HEXIM2: variants seen among roughly 807,000 people sequenced by gnomAD.
HEXIM2 encodes the protein protein HEXIM2.
For missense variants in HEXIM2, 413 were observed against 390.8 expected, an observed-to-expected ratio of 1.06 and a Z score of -0.48; for synonymous variants, 159 against 162.7, an observed-to-expected ratio of 0.98 and a Z score of 0.17.
Position 45,169,258 on chromosome 17 carries a change from C to G in HEXIM2, c.310C>G (p.Pro104Ala). Reference sequence around the variant, plus strand: ...ATCGAAGCGCAAAAGGCACTGGCGACCCTACCTGGAGCTGAGCTGGGCTGA... The same window carrying G: ...ATCGAAGCGCAAAAGGCACTGGCGAGCCTACCTGGAGCTGAGCTGGGCTGA... Reference protein sequence around the residue: ...RPSKRKRHWRPYLELSWAEKQ... With the variant: ...RPSKRKRHWRAYLELSWAEKQ... Residue 104 changes from proline (P) to alanine (A), a missense_variant, in exon 4 of 4, where the codon CCC becomes GCC. Pro to Ala is a conservative substitution (Grantham distance 27). Transcript: ENST00000589230. 1 of 1,613,812 alleles carries G rather than the reference C, an allele frequency of 6.2e-7. No homozygotes were observed. The highest frequency in any genetic ancestry group is 1.3e-5 in the African/African-American group (1 of 75,052).
chr17:45,161,920 T>G lies in HEXIM2; in HGVS notation c.-304T>G. 1 of 985,562 alleles carries G rather than the reference T, an allele frequency of 1.0e-6. No individual in the cohort carries two copies. The highest frequency in any genetic ancestry group is 1.2e-6 in the Non-Finnish European group (1 of 830,054). The allele number at this position is 985,562 out of a possible 1,614,324, so 61.1% of individuals were successfully genotyped here. The stretch of plus-strand genomic sequence containing the variant: ...GTGGCCTGAGCGGCTTGACCAGAGC[T>G]GCTGCAACTGCAGCAAGAGGTAGGG... On this transcript the variant is annotated 5_prime_UTR_variant, in exon 1 of 4. Transcript: ENST00000589230.
At chr17:45,166,403 CA>C (rs1400668268) in intron 3 of HEXIM2, among the ~76,000 whole-genome samples, 2 of 151,572 alleles carry the variant, frequency 1.3e-5, no homozygotes, top group Non-Finnish European at 2.9e-5. Context: ...CTAGGATTAC[CA>C]GCGTGAGCCA....
upstream of HEXIM2, chr17:45,161,456 C>G (rs1467762079): frequency 6.0e-6 from 1 of 167,602 alleles, no homozygotes; most frequent in Non-Finnish European, 1.3e-5. Context: ...ACGGGGTGCT[C>G]TCACTGCGCA....
In HEXIM2 at chr17:45,162,960, C is replaced by G. The variant is rs114790806; in HGVS notation, c.66+101C>G. The G allele has an allele frequency of 2.7e-3, 2,225 of 827,490 alleles. 30 individuals carry two copies. In the African/African-American group the frequency reaches 0.033, roughly 12 times the overall value. 51.3% of individuals were successfully genotyped at this position (827,490 alleles called of 1,614,324 possible). On this transcript the variant is annotated intron_variant, in intron 3 of 3. Transcript: ENST00000589230. The stretch of plus-strand genomic sequence containing the variant: ...AGATGTGTTGGTAGATTTGGAAAAC[C>G]AGTATTTTGACGAATCAGTACTATG...
chr17:45,169,724 TC>T lies in HEXIM2; in HGVS notation c.778del (p.Arg260GlyfsTer58). On this transcript the variant is annotated frameshift_variant, in exon 4 of 4. Transcript: ENST00000589230. LOFTEE classifies it low-confidence loss of function (END_TRUNC). ...VEELAAEVQR[L>X]RTENQRLRQE... ...GAGCTGGCTGCCGAGGTCCAGAGGC[TC>T]CGGACCGAAAACCAGCGGCTTCGTC... 6.6e-7 allele frequency: 1 copy of T among 1,508,526 alleles called. No individual in the cohort carries two copies. Among genetic ancestry groups the T allele is most frequent in the African/African-American group, 1.4e-5 (1 of 71,378 alleles). The allele number at this position is 1,508,526 out of a possible 1,614,324, so 93.4% of individuals were successfully genotyped here.
intron 3 of HEXIM2, among the ~76,000 whole-genome samples, chr17:45,166,795 G>A (rs1440550803): frequency 2.0e-5 from 3 of 151,978 alleles, no homozygotes; most frequent in South Asian, 4.1e-4. Flanking sequence ...AGGCCGAGGC[G>A]GGTGGATCAC....
In HEXIM2 at chr17:45,169,129, G is replaced by C. The variant is rs142750178; in HGVS notation, c.181G>C (p.Ala61Pro). Residue 61 changes from alanine (A) to proline (P), a missense_variant, in exon 4 of 4, where the codon GCT becomes CCT. Transcript: ENST00000589230. ...CTCAGAGGATGAAGATCTTGCTGGG[G>C]CTGTCGGTGGCCTGGGCTGGAACAG... Reference protein sequence around the residue: ...SHSEDEDLAGAVGGLGWNSRS... With the variant: ...SHSEDEDLAGPVGGLGWNSRS... 170 of 1,613,836 alleles carry C rather than the reference G, an allele frequency of 1.1e-4. No homozygotes were observed. Among genetic ancestry groups the C allele is most frequent in the Non-Finnish European group, 1.4e-4 (170 of 1,180,044 alleles).
At position 45,169,210 on chromosome 17, in the gene HEXIM2, C is replaced by G. The variant is rs201451805; in HGVS notation, c.262C>G (p.Arg88Gly). 14 of 1,613,560 alleles carry G rather than the reference C, an allele frequency of 8.7e-6. No homozygotes were observed. The highest frequency in any genetic ancestry group is 6.7e-5 in the East Asian group (3 of 44,872). The change falls in exon 4 of 4, where the codon CGG (arginine) becomes GGG (glycine). Residue 88 changes from arginine (R) to glycine (G), a missense_variant. Coordinates refer to ENST00000589230, the MANE Select transcript of HEXIM2 (RefSeq NM_001303441.2). ...GGCSAEAVLA[R>G]KKHRRRPSKR... ...CTGCTCAGCGGAGGCTGTGCTGGCCCGGAAGAAACACCGTCGGCGGCCATC... is the reference window on the plus strand; with the variant it reads ...CTGCTCAGCGGAGGCTGTGCTGGCCGGGAAGAAACACCGTCGGCGGCCATC...
At position 45,169,223 on chromosome 17, in the gene HEXIM2, G is replaced by A. The variant is rs1156291195; in HGVS notation, c.275G>A (p.Arg92His). Residue 92 changes from arginine to histidine, a missense_variant, in exon 4 of 4, where the codon CGT (arginine) becomes CAT (histidine). Transcript: ENST00000589230. ...GCTGTGCTGGCCCGGAAGAAACACC[G>A]TCGGCGGCCATCGAAGCGCAAAAGG... Reference protein sequence around the residue: ...AEAVLARKKHRRRPSKRKRHW... With the variant: ...AEAVLARKKHHRRPSKRKRHW... 6.2e-7 allele frequency: 1 copy of A among 1,613,610 alleles called. No homozygotes were observed.
upstream of HEXIM2, chr17:45,161,813 C>T (rs2042702855): frequency 7.1e-6 from 7 of 985,260 alleles, no homozygotes; most frequent in South Asian, 1.9e-4. Flanking sequence ...CGTTACAGGC[C>T]CTTGGATCGC....
chr17:45,160,214 G>C (rs1400556653), upstream of HEXIM2, among the ~76,000 whole-genome samples: 9 of 152,140 alleles, frequency 5.9e-5, no homozygotes, highest in African/African-American at 2.2e-4. Context: ...GTAAGGTTAA[G>C]AGTTTATTCT....
chr17:45,160,893 T>A, upstream of HEXIM2: 1 of 1,289,532 alleles, frequency 7.8e-7, no homozygotes. Flanking sequence ...TTTAAGAGGG[T>A]CGTGGTTTTT....
intron 2 of HEXIM2, 27 bp downstream of exon 2, chr17:45,162,662 C>T: frequency 6.4e-7 from 1 of 1,557,494 alleles, no homozygotes; most frequent in Non-Finnish European, 8.6e-7. Flanking sequence ...TACAAAATGG[C>T]TGCCACTGCC....
intron 3 of HEXIM2, chr17:45,168,814 A>T (rs1469196910): frequency 8.1e-6 from 5 of 617,884 alleles, no homozygotes; most frequent in Non-Finnish European, 1.1e-5. Flanking sequence ...TGCTCTCACC[A>T]TGAGTTTACT....
chr17:45,167,873 G>A (rs71369807), intron 3 of HEXIM2, among the ~76,000 whole-genome samples: 1 of 151,176 alleles, frequency 6.6e-6, no homozygotes. Flanking sequence ...TGGGATTACA[G>A]GTGTGAGCCA....
chr17:45,168,247 C>T (rs73319049), intron 3 of HEXIM2, among the ~76,000 whole-genome samples: 86,138 of 148,230 alleles, frequency 0.58, 25,666 homozygotes, highest in East Asian at 0.69. Flanking sequence ...TTTGGGAGGC[C>T]GAGGCGGGTG....
chr17:45,161,827 T>A (rs1187475889), upstream of HEXIM2: 6 of 985,552 alleles, frequency 6.1e-6, no homozygotes, highest in Middle Eastern at 5.2e-4. Context: ...GGATCGCTTT[T>A]CAGGCCAGAA....
chr17:45,163,950 T>G (rs1199997286), intron 3 of HEXIM2, among the ~76,000 whole-genome samples: 1 of 148,190 alleles, frequency 6.7e-6, no homozygotes, highest in Non-Finnish European at 1.5e-5. Flanking sequence ...AGGTCAAGAG[T>G]TCAAGACCAG....
chr17:45,165,474 G>C (rs1050916013), intron 3 of HEXIM2, among the ~76,000 whole-genome samples: 2 of 152,082 alleles, frequency 1.3e-5, no homozygotes. Flanking sequence ...CAGTGGTAGT[G>C]GTTATTATTA....
Sources: gnomAD v4.1 joint callset for allele counts (sites outside exome capture counted in the v4.1 genomes callset) on GRCh38, gnomAD v4.1.1 for gene constraint, MANE v1.5 for transcripts, NCBI Gene and HGNC (gene_info 2026-07-23, HGNC 2026-07-21) for gene names.